The following GALNT13 variants were observed in gnomAD, a reference collection of about 807,000 sequenced individuals.
GALNT13 encodes the protein polypeptide N-acetylgalactosaminyltransferase 13.
In GALNT13, 28 loss-of-function variants were observed where a neutral mutation model predicts 64.2. The ratio of observed to expected loss-of-function variants is 0.44; its 90% CI spans 0.32 to 0.60. GALNT13 has a LOEUF of 0.60. GALNT13 is among the 20% of genes least tolerant of loss of function. The pLI is 0.05. For synonymous variants in GALNT13, 214 were observed against 224.6 expected (o/e 0.95, Z 0.42); for missense variants, 577 against 669.8 (o/e 0.86, Z 1.53).
At chr2:153,253,958 A>G in the GALNT13 span, among the ~76,000 whole-genome samples, 3 of 152,128 alleles carry the variant, frequency 2.0e-5, no homozygotes, top group South Asian at 2.1e-4. Context: ...GCCCGGCTTT[A>G]GTATCAGGAT....
At chr2:153,728,600 A>T in the GALNT13 span, among the ~76,000 whole-genome samples, 1 of 152,100 alleles carries the variant, frequency 6.6e-6, no homozygotes, top group Non-Finnish European at 1.5e-5. Flanking sequence ...GAAACAAGAG[A>T]AAACAAATCC....
At chr2:153,636,702 C>T in the GALNT13 span, among the ~76,000 whole-genome samples, 1 of 152,110 alleles carries the variant, frequency 6.6e-6, no homozygotes, top group Non-Finnish European at 1.5e-5. Flanking sequence ...AGGGCTCTTA[C>T]TGCTTTCCTA....
the GALNT13 span, among the ~76,000 whole-genome samples, chr2:153,174,895 C>A: frequency 2.0e-5 from 3 of 148,654 alleles, no homozygotes; most frequent in Admixed American, 6.7e-5. Flanking sequence ...CACCCATCAC[C>A]CAATTCCAAA....
At chr2:153,696,203 G>GT in the GALNT13 span, among the ~76,000 whole-genome samples, 2 of 152,286 alleles carry the variant, frequency 1.3e-5, no homozygotes, top group South Asian at 2.1e-4. Flanking sequence ...AACTACTGGT[G>GT]TAAGTCCAAG....
chr2:153,131,479 C>A, the GALNT13 span, among the ~76,000 whole-genome samples: 1 of 151,226 alleles, frequency 6.6e-6, no homozygotes, highest in Non-Finnish European at 1.5e-5. Flanking sequence ...AGTGACCTGA[C>A]TGTAAGAGAG....
chr2:154,444,004 A>C (rs1701437714), intron 12 of GALNT13, among the ~76,000 whole-genome samples: 1 of 152,118 alleles, frequency 6.6e-6, no homozygotes, highest in Non-Finnish European at 1.5e-5. Flanking sequence ...TATATTTGGC[A>C]GTAAGTTGCA....
intron 3 of GALNT13, among the ~76,000 whole-genome samples, chr2:154,058,301 C>T (rs529747371): frequency 6.6e-5 from 10 of 152,276 alleles, no homozygotes; most frequent in Non-Finnish European, 1.5e-4. Context: ...TGTGGCAAAA[C>T]AAATTTCTGT....
chr2:154,123,840 A>T (rs1047770512), intron 3 of GALNT13, among the ~76,000 whole-genome samples: 1 of 152,086 alleles, frequency 6.6e-6, no homozygotes, highest in Non-Finnish European at 1.5e-5. Flanking sequence ...GACAAAAGGC[A>T]TATATCAGCA....
chr2:153,682,655 AATAG>A, the GALNT13 span, among the ~76,000 whole-genome samples: 1 of 151,836 alleles, frequency 6.6e-6, no homozygotes, highest in African/African-American at 2.4e-5. Context: ...TTTGCACATG[AATAG>A]ATAGTGTAGC....
intron 4 of GALNT13, among the ~76,000 whole-genome samples, chr2:154,192,885 C>G (rs1464112922): frequency 6.6e-6 from 1 of 152,150 alleles, no homozygotes; most frequent in East Asian, 1.9e-4. Flanking sequence ...AAGCACATGA[C>G]TTAAAAATCT....
chr2:153,668,868 G>A, the GALNT13 span, among the ~76,000 whole-genome samples: 4 of 152,176 alleles, frequency 2.6e-5, no homozygotes, highest in Non-Finnish European at 4.4e-5. Flanking sequence ...AACATCTACA[G>A]GGGAGCATGG....
chr2:153,343,224 C>A, the GALNT13 span, among the ~76,000 whole-genome samples: 1 of 152,054 alleles, frequency 6.6e-6, no homozygotes, highest in Admixed American at 6.6e-5. Flanking sequence ...CCAAATAAGA[C>A]CCATTATGTT....
chr2:153,712,394 C>G, the GALNT13 span, among the ~76,000 whole-genome samples: 2 of 152,144 alleles, frequency 1.3e-5, no homozygotes, highest in Non-Finnish European at 2.9e-5. Flanking sequence ...GCCAACATCA[C>G]TCCCTTCTTG....
chr2:154,328,873 T>C (rs76516949), intron 9 of GALNT13, among the ~76,000 whole-genome samples: 4,421 of 152,276 alleles, frequency 0.029, 211 homozygotes, highest in African/African-American at 0.099. Flanking sequence ...TGTCTGTAAA[T>C]GCAATTGATG....
intron 9 of GALNT13, among the ~76,000 whole-genome samples, chr2:154,318,805 T>C (rs1195787257): frequency 6.6e-6 from 1 of 152,034 alleles, no homozygotes; most frequent in Non-Finnish European, 1.5e-5. Context: ...CAGTTATTCA[T>C]GGAATCACCC....
At chr2:153,653,758 A>G in the GALNT13 span, among the ~76,000 whole-genome samples, 4 of 152,190 alleles carry the variant, frequency 2.6e-5, no homozygotes, top group African/African-American at 9.6e-5. Context: ...GTAAATAAAT[A>G]AGAGAAACAG....
At chr2:153,737,663 T>C in the GALNT13 span, among the ~76,000 whole-genome samples, 2 of 152,126 alleles carry the variant, frequency 1.3e-5, no homozygotes, top group African/African-American at 4.8e-5. Flanking sequence ...TTTTGTTTCA[T>C]ATATCATGAA....
intron 11 of GALNT13, among the ~76,000 whole-genome samples, chr2:154,415,324 A>G (rs375690635): frequency 2.0e-5 from 3 of 152,176 alleles, no homozygotes; most frequent in African/African-American, 7.2e-5. Flanking sequence ...CCCCATACAC[A>G]TTGTACCTTT....
chr2:153,928,275 GT>G (rs1441124162), intron 2 of GALNT13, among the ~76,000 whole-genome samples: 2 of 152,052 alleles, frequency 1.3e-5, no homozygotes, highest in African/African-American at 4.8e-5. Flanking sequence ...AAGAACACTT[GT>G]AATATATTTC....
Sources: allele counts gnomAD v4.1 joint callset (sites outside exome capture counted in the v4.1 genomes callset), GRCh38; gene constraint gnomAD v4.1.1; transcripts MANE v1.5; gene names NCBI Gene and HGNC (gene_info 2026-07-23, HGNC 2026-07-21).